SNED1: variants seen among roughly 807,000 people sequenced by gnomAD.
The protein encoded by SNED1 is sushi, nidogen and EGF like domains 1, also known as sushi, nidogen and EGF-like domain-containing protein 1.
SNED1 carries 81 observed loss-of-function variants against 166.7 expected under a neutral mutation model. The ratio of observed to expected loss-of-function variants is 0.49; its 90% confidence interval spans 0.41 to 0.58. The LOEUF (loss-of-function observed/expected upper bound fraction) is 0.58, where lower values mean the gene tolerates loss of function less well. Among genes scored for constraint, SNED1 ranks in the 20% least tolerant of loss-of-function variants. SNED1 has a pLI of 0.00. For missense variants in SNED1, 1,604 were observed against 2,000.2 expected, an observed-to-expected ratio of 0.80 and a Z score of 3.78; for synonymous variants, 762 against 822.0, an observed-to-expected ratio of 0.93 and a Z score of 1.25.
rs1328507799 is a variant in SNED1, at chr2:241,073,382, G to A, written c.3916+18G>A. The A allele has an allele frequency of 1.3e-6, 2 of 1,550,950 alleles. No homozygotes were observed. Among genetic ancestry groups the A allele is most frequent in the Non-Finnish European group, 8.7e-7 (1 of 1,145,252 alleles). Reference sequence around the variant, plus strand: ...CATCGGAAGTGAGTCAGCAGCGCTGGTGGGGACTTTGGGACTGACTGACTG... The same window carrying A: ...CATCGGAAGTGAGTCAGCAGCGCTGATGGGGACTTTGGGACTGACTGACTG... On this transcript the variant is annotated intron_variant, in intron 27 of 31. Coordinates refer to ENST00000310397, the MANE Select transcript of SNED1 (RefSeq NM_001080437.3). The surrounding 1 kb of genome is among the most constrained non-coding windows in gnomAD (Gnocchi z 6.6).
intron 30 of SNED1, 43 bp downstream of exon 30, chr2:241,087,518 C>G: frequency 6.4e-7 from 1 of 1,566,892 alleles, no homozygotes; most frequent in Non-Finnish European, 8.6e-7. Flanking sequence ...TGCATGTAGC[C>G]CACAGGGTGA....
At chr2:241,031,153 C>T (rs2061156054) in intron 2 of SNED1, among the ~76,000 whole-genome samples, 2 of 152,052 alleles carry the variant, frequency 1.3e-5, no homozygotes, top group South Asian at 4.2e-4. Flanking sequence ...GCTGTTTGTT[C>T]ATGCATTTAA....
chr2:241,068,387 C>A lies in SNED1; in HGVS notation c.3194+440C>A, dbSNP rs1052301635. 4.7e-4 allele frequency among the ~76,000 whole-genome samples: 71 copies of A among 151,918 alleles called. No homozygotes were observed. The highest frequency in any genetic ancestry group is 1.6e-3 in the African/African-American group (65 of 41,328). ...AGCAGCCCCGAGCTCTCCCAGGAGT[C>A]CCACAGTGGACCCCTGTGATTTGGT... On this transcript the variant is annotated intron_variant, in intron 22 of 31. Transcript: ENST00000310397. The surrounding 1 kb of genome is among the most constrained non-coding windows in gnomAD (Gnocchi z 5.3).
At chr2:241,070,280 G>A in intron 24 of SNED1, 79 bp downstream of exon 24, 1 of 1,416,720 alleles carries the variant, frequency 7.1e-7, no homozygotes, top group Non-Finnish European at 9.4e-7. Flanking sequence ...ACCTGGCCCT[G>A]CAGGGGCCTG....
rs947845775 is a variant in SNED1, at chr2:241,091,591, G to A, written c.*2-47G>A. ...AAGCAGCCCATTTAAAGAGGAGTGGGAATGCCTGTCATTCTCCTCATGCTT... is the reference window on the plus strand; with the variant it reads ...AAGCAGCCCATTTAAAGAGGAGTGGAAATGCCTGTCATTCTCCTCATGCTT... On this transcript the variant is annotated intron_variant, in intron 31 of 31. Transcript: ENST00000310397. The surrounding 1 kb of genome is among the most constrained non-coding windows in gnomAD (Gnocchi z 4.1). 5.9e-5 allele frequency: 9 copies of A among 152,212 alleles called. No individual in the cohort carries two copies. The highest frequency in any genetic ancestry group is 1.9e-4 in the African/African-American group (8 of 41,454). The allele number at this position is 152,212 out of a possible 1,614,324, so 9.4% of individuals were successfully genotyped here.
chr2:241,084,254 AG>A (rs769884531), intron 29 of SNED1, among the ~76,000 whole-genome samples: 7 of 150,240 alleles, frequency 4.7e-5, no homozygotes, highest in Non-Finnish European at 8.8e-5. Flanking sequence ...CTCCTGCCTC[AG>A]CCCCCCGAGT....
At chr2:241,048,267 TC>T in intron 8 of SNED1, 47 bp from the exon 9 acceptor site, 3 of 1,533,382 alleles carry the variant, frequency 2.0e-6, no homozygotes, top group Non-Finnish European at 2.6e-6. Flanking sequence ...GAGACCACTC[TC>T]CCCACATTCC....
Position 241,088,369 on chromosome 2 carries a change from CAAAG to C in SNED1, c.4211_4214del (p.Gln1404LeufsTer33). 1.9e-6 allele frequency: 3 copies of C among 1,609,388 alleles called. No individual in the cohort carries two copies. Among genetic ancestry groups the C allele is most frequent in the Non-Finnish European group, 2.6e-6 (3 of 1,175,686 alleles). On this transcript the variant is annotated frameshift_variant, in exon 31 of 32. Transcript: ENST00000310397. LOFTEE classifies it high-confidence loss of function. ...ACTTTTCTCTAATTATTTCAGGAAA[CAAAG>C]TAAGAGTCAGACACTGGAGAAATCT...
chr2:241,033,784 CCATCTT>C lies in SNED1; in HGVS notation c.554_559del (p.Ile185_Phe186del). 1 of 1,611,892 alleles carries C rather than the reference CCATCTT, an allele frequency of 6.2e-7. No homozygotes were observed. Among genetic ancestry groups the C allele is most frequent in the Non-Finnish European group, 8.5e-7 (1 of 1,179,538 alleles). ...ATCACAGACGGCAAGCTCTCCTTCA[CCATCTT>C]CAACTATGAGTCCATCGTGTGGACC... On this transcript the variant is annotated inframe_deletion, in exon 3 of 32. Coordinates refer to ENST00000310397, the MANE Select transcript of SNED1 (RefSeq NM_001080437.3).
Position 241,075,478 on chromosome 2 carries a change from T to C in SNED1, c.3916+2114T>C, listed in dbSNP as rs1575081572. The C allele has an allele frequency of 6.6e-6, 1 of 152,168 alleles. No homozygotes were observed. Among genetic ancestry groups the C allele is most frequent in the Non-Finnish European group, 1.5e-5 (1 of 68,044 alleles). The allele number at this position is 152,168 out of a possible 1,614,324, so 9.4% of individuals were successfully genotyped here. A position where few individuals can be genotyped will look rare whatever the true frequency, so the allele number is the denominator to read the frequency against. On this transcript the variant is annotated intron_variant, in intron 27 of 31. Coordinates refer to ENST00000310397, the MANE Select transcript of SNED1 (RefSeq NM_001080437.3). The surrounding 1 kb of genome is among the most constrained non-coding windows in gnomAD (Gnocchi z 4.8). ...TCCTGGGCACTGATGTGACTGCGCC[T>C]CTCCTCATGGGCATCCACCAAAGGT... is the stretch of plus-strand genomic sequence containing the variant.
At position 241,071,740 on chromosome 2, in the gene SNED1, G is replaced by T; in HGVS notation, c.3734+20G>T. The stretch of plus-strand genomic sequence containing the variant: ...CCCCAGGTACATGCCCCACCCATCG[G>T]CCCCATCGCCCGAGGCGGCGCTCGG... On this transcript the variant is annotated intron_variant, in intron 25 of 31. Coordinates refer to ENST00000310397, the MANE Select transcript of SNED1 (RefSeq NM_001080437.3). The T allele has an allele frequency of 6.5e-7, 1 of 1,529,788 alleles. No homozygotes were observed. 94.8% of individuals were successfully genotyped at this position (1,529,788 alleles called of 1,614,324 possible).
rs757567926 is a variant in SNED1 at position 240,999,386 on chromosome 2, A to C, written c.213+336A>C. Among the ~76,000 whole-genome samples, 3 of 152,080 alleles carry C rather than the reference A, an allele frequency of 2.0e-5. No homozygotes were observed. Among genetic ancestry groups the C allele is most frequent in the Non-Finnish European group, 4.4e-5 (3 of 67,982 alleles). On this transcript the variant is annotated intron_variant, in intron 1 of 31. Transcript: ENST00000310397. The surrounding 1 kb of genome is among the most constrained non-coding windows in gnomAD (Gnocchi z 5.8). ...GTCCTGGTACTGCCCTGGTTTTCAC[A>C]CATGGCAATGTGGCCGTGGGCACGG...
Position 241,062,903 on chromosome 2 carries a change from G to A in SNED1, c.2370G>A (p.Leu790=). The part of the protein sequence containing the change: ...STGYEGAHCE[L]ERDECRAHPC... ...GCTATGAGGGCGCCCACTGTGAGCTGGGTAAGAGGGGCCCTGGCCCCGCTG... is the reference window on the plus strand; with the variant it reads ...GCTATGAGGGCGCCCACTGTGAGCTAGGTAAGAGGGGCCCTGGCCCCGCTG... Residue 790 remains leucine (L), a splice_region_variant and synonymous_variant, in exon 17 of 32, where the codon CTG becomes CTA. Transcript: ENST00000310397. 8 of 1,584,864 alleles carry A rather than the reference G, an allele frequency of 5.0e-6. No individual in the cohort carries two copies. Among genetic ancestry groups the A allele is most frequent in the Non-Finnish European group, 6.9e-6 (8 of 1,164,304 alleles).
chr2:241,003,129 C>G (rs2060124955), intron 1 of SNED1, among the ~76,000 whole-genome samples: 1 of 112,902 alleles, frequency 8.9e-6, no homozygotes, highest in South Asian at 3.5e-4. Context: ...CTCCCCCGGG[C>G]CCCCCGCTCA....
Position 240,999,633 on chromosome 2 carries a change from G to T in SNED1, c.213+583G>T, listed in dbSNP as rs2060015149. 6.6e-6 allele frequency among the ~76,000 whole-genome samples: 1 copy of T among 152,186 alleles called. No individual in the cohort carries two copies. The highest frequency in any genetic ancestry group is 1.5e-5 in the Non-Finnish European group (1 of 68,010). ...CTCCCTGCCGTCCTCTCCGCAGTCT[G>T]GGGGCTGGCCGCTCAGGCTCAGACT... On this transcript the variant is annotated intron_variant, in intron 1 of 31. Transcript: ENST00000310397. This position sits in a 1 kb window ranked among gnomAD's most constrained non-coding sequence, Gnocchi z 5.8.
chr2:241,025,916 C>T (rs1213077349), intron 1 of SNED1, among the ~76,000 whole-genome samples: 1 of 144,312 alleles, frequency 6.9e-6, no homozygotes, highest in Non-Finnish European at 1.5e-5. Flanking sequence ...TGTGCAGCAG[C>T]AATAGAAAAA....
intron 24 of SNED1, among the ~76,000 whole-genome samples, chr2:241,070,754 G>A (rs182484619): frequency 1.6e-4 from 24 of 152,318 alleles, no homozygotes; most frequent in Admixed American, 8.5e-4. Context: ...GGTCCCGAAC[G>A]CCCCACTTAG....
In SNED1 at chr2:241,077,244, G is replaced by A. The variant is rs1032745853; in HGVS notation, c.3916+3880G>A. On this transcript the variant is annotated intron_variant, in intron 27 of 31. Coordinates refer to ENST00000310397, the MANE Select transcript of SNED1 (RefSeq NM_001080437.3). The stretch of plus-strand genomic sequence containing the variant: ...CAAAAAGAATGAGGCCGGAGCCCTC[G>A]TACCATATACCTCATAACACAAATT... 5.9e-5 allele frequency among the ~76,000 whole-genome samples: 9 copies of A among 152,220 alleles called. No homozygotes were observed. The South Asian group carries it at 8.3e-4, about 14-fold the overall frequency.
intron 8 of SNED1, among the ~76,000 whole-genome samples, chr2:241,048,044 C>T (rs1392382114): frequency 6.6e-6 from 1 of 151,988 alleles, no homozygotes; most frequent in African/African-American, 2.4e-5. Context: ...CTGTCCAATC[C>T]TGGGTGGTCT....
Sources: gnomAD v4.1 joint callset for allele counts (sites outside exome capture counted in the v4.1 genomes callset) on GRCh38, gnomAD v4.1.1 for gene constraint, Gnocchi (gnomAD v3.1) non-coding constraint, MANE v1.5 for transcripts, NCBI Gene and HGNC (gene_info 2026-07-23, HGNC 2026-07-21) for gene names.